The following ARB2A variants were observed in gnomAD, a reference collection of about 807,000 sequenced individuals.
ARB2A encodes cotranscriptional regulator ARB2A.
chr5:93,753,569 T>A, the ARB2A span, among the ~76,000 whole-genome samples: 1 of 152,184 alleles, frequency 6.6e-6, no homozygotes, highest in Non-Finnish European at 1.5e-5. Context: ...GAAAGGCCCA[T>A]CTAAATAGAG....
At chr5:93,815,175 T>C in the ARB2A span, among the ~76,000 whole-genome samples, 6 of 152,026 alleles carry the variant, frequency 3.9e-5, no homozygotes, top group African/African-American at 1.5e-4. Context: ...AGTCAAACTT[T>C]TGTGGTTCTG....
chr5:93,767,251 T>C, the ARB2A span, among the ~76,000 whole-genome samples: 2 of 152,076 alleles, frequency 1.3e-5, no homozygotes, highest in African/African-American at 4.8e-5. Flanking sequence ...CAAAAGAAGA[T>C]ATACAAATGG....
chr5:93,852,858 C>G, the ARB2A span, among the ~76,000 whole-genome samples: 1,420 of 152,250 alleles, frequency 9.3e-3, 30 homozygotes, highest in African/African-American at 0.032. Flanking sequence ...GTTACTGTAG[C>G]CTTGTAGTAT....
chr5:93,836,395 T>C, the ARB2A span, among the ~76,000 whole-genome samples: 3 of 152,210 alleles, frequency 2.0e-5, no homozygotes, highest in African/African-American at 4.8e-5. Flanking sequence ...AACACAGATA[T>C]GGCTCTAATC....
At chr5:93,793,905 G>C in the ARB2A span, among the ~76,000 whole-genome samples, 1 of 152,168 alleles carries the variant, frequency 6.6e-6, no homozygotes, top group Non-Finnish European at 1.5e-5. Flanking sequence ...TCCAAGTTGG[G>C]TCTAGATGGC....
At chr5:93,727,975 G>A in the ARB2A span, among the ~76,000 whole-genome samples, 22 of 151,952 alleles carry the variant, frequency 1.4e-4, no homozygotes, top group East Asian at 4.1e-3. Flanking sequence ...TTTAGAAACT[G>A]GACTCTCATT....
At chr5:93,814,022 T>C in the ARB2A span, among the ~76,000 whole-genome samples, 1 of 152,176 alleles carries the variant, frequency 6.6e-6, no homozygotes, top group Non-Finnish European at 1.5e-5. Flanking sequence ...TGTTCAAAAT[T>C]TCAGGGCCAC....
chr5:93,872,504 G>A, the ARB2A span, among the ~76,000 whole-genome samples: 2 of 152,112 alleles, frequency 1.3e-5, no homozygotes, highest in African/African-American at 4.8e-5. Flanking sequence ...TAAATGCAGA[G>A]CTTCGGTCTT....
the ARB2A span, among the ~76,000 whole-genome samples, chr5:93,645,577 A>G: frequency 1.1e-5 from 1 of 93,632 alleles, no homozygotes; most frequent in Non-Finnish European, 2.1e-5. Context: ...CGTCTCAAAG[A>G]AAAAAAAAAA....
chr5:93,723,665 C>A, the ARB2A span, among the ~76,000 whole-genome samples: 1 of 151,954 alleles, frequency 6.6e-6, no homozygotes, highest in Non-Finnish European at 1.5e-5. Flanking sequence ...ATGTCATATA[C>A]AAGGAGCTAG....
At chr5:93,931,746 A>C in the ARB2A span, among the ~76,000 whole-genome samples, 10 of 152,304 alleles carry the variant, frequency 6.6e-5, no homozygotes, top group East Asian at 1.9e-3. Flanking sequence ...GATTAAAAAA[A>C]AAAATACTAC....
the ARB2A span, among the ~76,000 whole-genome samples, chr5:93,927,349 T>C: frequency 1.3e-5 from 2 of 152,180 alleles, no homozygotes; most frequent in Admixed American, 1.3e-4. Flanking sequence ...AGTCTCCATG[T>C]GGACTAATGA....
the ARB2A span, among the ~76,000 whole-genome samples, chr5:93,924,117 G>A: frequency 6.6e-6 from 1 of 152,082 alleles, no homozygotes; most frequent in South Asian, 2.1e-4. Flanking sequence ...TGGACATGAG[G>A]TGAGGTCTTC....
the ARB2A span, among the ~76,000 whole-genome samples, chr5:93,825,530 G>A: frequency 1.3e-5 from 2 of 152,148 alleles, no homozygotes; most frequent in East Asian, 3.9e-4. Flanking sequence ...AATTTTAGCA[G>A]AATTCATGTT....
chr5:93,668,368 A>G, the ARB2A span, among the ~76,000 whole-genome samples: 2 of 152,152 alleles, frequency 1.3e-5, no homozygotes, highest in South Asian at 4.1e-4. Flanking sequence ...GCCTCCAAAA[A>G]GTGCTAGGAT....
At chr5:93,811,628 A>C in the ARB2A span, among the ~76,000 whole-genome samples, 1 of 152,228 alleles carries the variant, frequency 6.6e-6, no homozygotes, top group South Asian at 2.1e-4. Context: ...CAAAAACCTA[A>C]CTGTTACAAA....
chr5:93,638,783 T>G, the ARB2A span, among the ~76,000 whole-genome samples: 3 of 152,222 alleles, frequency 2.0e-5, no homozygotes, highest in Middle Eastern at 6.8e-3. Context: ...GAGCCGAGAT[T>G]GCACCATTGC....
the ARB2A span, among the ~76,000 whole-genome samples, chr5:93,722,428 A>G: frequency 2.0e-5 from 3 of 152,158 alleles, no homozygotes; most frequent in Admixed American, 2.0e-4. Context: ...GTATATCATA[A>G]TAATGACAGC....
At chr5:93,881,537 C>T in the ARB2A span, 9 of 1,610,694 alleles carry the variant, frequency 5.6e-6, no homozygotes, top group East Asian at 1.1e-4. Flanking sequence ...GAAATCACGT[C>T]GCTTCTTTGT....
Sources: gnomAD v4.1 joint callset for allele counts (sites outside exome capture counted in the v4.1 genomes callset) on GRCh38, gnomAD v4.1.1 for gene constraint, MANE v1.5 for transcripts, NCBI Gene and HGNC (gene_info 2026-07-23, HGNC 2026-07-21) for gene names.